Variants in NEK7 observed in about 807,000 individuals in gnomAD.
The protein encoded by NEK7 is serine/threonine-protein kinase Nek7.
NEK7 carries 18 observed loss-of-function variants against 44.6 expected under a neutral mutation model. The ratio of observed to expected loss-of-function variants is 0.40; its 90% CI spans 0.28 to 0.60. The LOEUF (loss-of-function observed/expected upper bound fraction) is 0.60, where lower values mean the gene tolerates loss of function less well. Ranked by LOEUF, NEK7 falls within the 20% of genes least tolerant of loss-of-function variation. NEK7 has a pLI of 0.38. For missense variants in NEK7, 256 were observed against 366.5 expected (o/e 0.70, Z 2.46); for synonymous variants, 130 against 121.1 (o/e 1.07, Z -0.48).
intron 1 of NEK7, among the ~76,000 whole-genome samples, chr1:198,197,481 C>G (rs1234026142): frequency 6.6e-6 from 1 of 152,196 alleles, no homozygotes; most frequent in Non-Finnish European, 1.5e-5. Flanking sequence ...TTTAAGTGTA[C>G]AGCTCAGCAA....
chr1:198,319,411 G>T lies in NEK7; in HGVS notation c.799-1G>T. ...GTTTTATTGTTTTTCTTTCTTCACA[G>T]CTCCGACAGTTAGTTAATATGTGCA... is the stretch of plus-strand genomic sequence containing the variant. On this transcript the variant is annotated splice_acceptor_variant, in intron 9 of 9. Transcript: ENST00000367385. LOFTEE classifies it high-confidence loss of function. The T allele has an allele frequency of 6.2e-7, 1 of 1,607,152 alleles. No individual in the cohort carries two copies.
chr1:198,317,221 C>T (rs1358365462), intron 9 of NEK7, among the ~76,000 whole-genome samples: 2 of 152,104 alleles, frequency 1.3e-5, no homozygotes, highest in Admixed American at 6.5e-5. Flanking sequence ...AGATACACTT[C>T]GTATTTGGTG....
At chr1:198,305,396 T>G (rs1158165996) in intron 9 of NEK7, among the ~76,000 whole-genome samples, 1 of 152,172 alleles carries the variant, frequency 6.6e-6, no homozygotes, top group African/African-American at 2.4e-5. Flanking sequence ...TAAAATAACT[T>G]TATTCCTTCC....
intron 1 of NEK7, among the ~76,000 whole-genome samples, chr1:198,223,421 G>C (rs1259549813): frequency 2.0e-5 from 3 of 152,142 alleles, no homozygotes; most frequent in South Asian, 2.1e-4. Flanking sequence ...AGTGGTAAAA[G>C]AGTATTATTC....
intron 1 of NEK7, among the ~76,000 whole-genome samples, chr1:198,192,643 A>C (rs192249066): frequency 3.9e-5 from 6 of 152,290 alleles, no homozygotes; most frequent in Admixed American, 3.9e-4. Context: ...GTCAAATTAG[A>C]ATTCAAGATT....
chr1:198,301,150 A>C (rs1403878919), intron 9 of NEK7, among the ~76,000 whole-genome samples: 1 of 152,226 alleles, frequency 6.6e-6, no homozygotes, highest in East Asian at 1.9e-4. Flanking sequence ...AGCAAAATAT[A>C]TACTTCGTTT....
At chr1:198,256,201 A>T (rs1653257663) in intron 3 of NEK7, 2 of 1,116,650 alleles carry the variant, frequency 1.8e-6, no homozygotes, top group Non-Finnish European at 1.2e-6. Flanking sequence ...CAAATTTTTA[A>T]TGAGATACCA....
At chr1:198,309,771 A>ATT (rs1347417759) in intron 9 of NEK7, among the ~76,000 whole-genome samples, 2 of 152,194 alleles carry the variant, frequency 1.3e-5, no homozygotes, top group Non-Finnish European at 2.9e-5. Context: ...AAGGACATGA[A>ATT]TTCATCATTT....
intron 8 of NEK7, among the ~76,000 whole-genome samples, chr1:198,293,650 A>G (rs1186871419): frequency 1.3e-5 from 2 of 151,980 alleles, no homozygotes; most frequent in Admixed American, 6.5e-5. Context: ...GGTGGATAAA[A>G]GAAAGCATGT....
intron 1 of NEK7, among the ~76,000 whole-genome samples, chr1:198,191,531 A>G (rs937180882): frequency 3.9e-5 from 6 of 151,960 alleles, no homozygotes; most frequent in Non-Finnish European, 7.4e-5. Context: ...TATGAATTCT[A>G]AGTTGTATGC....
chr1:198,190,817 A>G (rs960370495), intron 1 of NEK7, among the ~76,000 whole-genome samples: 3 of 149,604 alleles, frequency 2.0e-5, no homozygotes, highest in Admixed American at 1.3e-4. Flanking sequence ...TTTCCAACAT[A>G]TGGAATTTGT....
At chr1:198,271,115 T>A (rs1653829815) in intron 5 of NEK7, among the ~76,000 whole-genome samples, 1 of 151,740 alleles carries the variant, frequency 6.6e-6, no homozygotes, top group Non-Finnish European at 1.5e-5. Flanking sequence ...AGCAGGAGAG[T>A]TTCTCTGGAT....
intron 5 of NEK7, among the ~76,000 whole-genome samples, chr1:198,268,106 C>T (rs902036590): frequency 1.3e-5 from 2 of 151,640 alleles, no homozygotes; most frequent in African/African-American, 4.8e-5. Flanking sequence ...TCTCTTCTTC[C>T]TGGCCTTTAA....
rs549357776 is a variant in NEK7 at position 198,196,265 on chromosome 1, C to A, written c.-28-36288C>A. On this transcript the variant is annotated intron_variant, in intron 1 of 9. Coordinates refer to ENST00000367385, the MANE Select transcript of NEK7 (RefSeq NM_133494.3). ...TCACAAGCTGATTTAGTGCAGCAAC[C>A]AAGTAAAAGATGCATGAGAACAGAG... Among the ~76,000 whole-genome samples, 110 of 152,200 alleles carry A rather than the reference C, an allele frequency of 7.2e-4. 1 individual carries two copies. The highest frequency in any genetic ancestry group is 2.6e-3 in the African/African-American group (109 of 41,534).
At chr1:198,251,068 T>C (rs188246726) in intron 2 of NEK7, among the ~76,000 whole-genome samples, 48 of 152,058 alleles carry the variant, frequency 3.2e-4, no homozygotes, top group Non-Finnish European at 5.7e-4. Flanking sequence ...AATACCAATT[T>C]ATTGAGAGTT....
chr1:198,224,638 T>C (rs893792872), intron 1 of NEK7, among the ~76,000 whole-genome samples: 5 of 151,966 alleles, frequency 3.3e-5, no homozygotes, highest in African/African-American at 1.2e-4. Flanking sequence ...TTGGAAAATG[T>C]AGCTATTTAT....
At chr1:198,198,212 C>CAAA in intron 1 of NEK7, 1 of 707,342 alleles carries the variant, frequency 1.4e-6, no homozygotes. Flanking sequence ...CCAGCCTTTC[C>CAAA]ACCACCGCCT....
chr1:198,186,090 A>G (rs139689827), intron 1 of NEK7, among the ~76,000 whole-genome samples: 170 of 152,344 alleles, frequency 1.1e-3, no homozygotes, highest in South Asian at 9.1e-3. Flanking sequence ...CACCTTTCTA[A>G]TGGTCATGTT....
At chr1:198,304,069 A>T (rs559107824) in intron 9 of NEK7, among the ~76,000 whole-genome samples, 51 of 152,202 alleles carry the variant, frequency 3.4e-4, no homozygotes, top group African/African-American at 1.2e-3. Context: ...ATTTTTGTTT[A>T]AAAAATATAG....
Sources: allele counts gnomAD v4.1 joint callset (sites outside exome capture counted in the v4.1 genomes callset), GRCh38; gene constraint gnomAD v4.1.1; transcripts MANE v1.5; gene names NCBI Gene and HGNC (gene_info 2026-07-23, HGNC 2026-07-21).